The following PRCP variants were observed in gnomAD, a reference collection of about 807,000 sequenced individuals.
PRCP encodes lysosomal Pro-X carboxypeptidase.
A neutral mutation model predicts 54.2 loss-of-function variants in PRCP; 46 were observed. The observed-to-expected ratio is 0.85, with a 90% CI of 0.67 to 1.09. The LOEUF is 1.09. Among genes scored for constraint, PRCP ranks in the 50% least tolerant of loss-of-function variants. The pLI, the probability that PRCP is intolerant of heterozygous loss-of-function variation, is 0.00. For synonymous variants in PRCP, 240 were observed against 212.2 expected, an observed-to-expected ratio of 1.13 and a Z score of -1.14; for missense variants, 613 against 596.8, an observed-to-expected ratio of 1.03 and a Z score of -0.28.
At chr11:82,868,082 T>C (rs1451593026) in intron 1 of PRCP, among the ~76,000 whole-genome samples, 2 of 152,196 alleles carry the variant, frequency 1.3e-5, no homozygotes, top group African/African-American at 4.8e-5. Flanking sequence ...ATTCAAAATC[T>C]GTGCTGTCAG....
intron 7 of PRCP, among the ~76,000 whole-genome samples, chr11:82,838,815 C>T (rs1394021626): frequency 6.6e-6 from 1 of 152,130 alleles, no homozygotes; most frequent in Non-Finnish European, 1.5e-5. Context: ...CTTGATTTCA[C>T]ATTTATTATC....
At chr11:82,878,096 C>T (rs187332908) in intron 1 of PRCP, among the ~76,000 whole-genome samples, 5 of 152,298 alleles carry the variant, frequency 3.3e-5, no homozygotes, top group South Asian at 2.1e-4. Flanking sequence ...CACTGGATTT[C>T]GGACTTGCAT....
intron 1 of PRCP, among the ~76,000 whole-genome samples, chr11:82,899,570 G>A (rs560734564): frequency 4.6e-5 from 7 of 152,288 alleles, no homozygotes; most frequent in African/African-American, 7.2e-5. Flanking sequence ...GCCTCATGCT[G>A]CAGCCAAGCA....
Position 82,860,014 on chromosome 11 carries a change from C to T in PRCP, c.272G>A (p.Gly91Asp). The part of the protein sequence containing the change: ...KNGGSILFYT[G>D]NEGDIIWFCN... ...AAACCAGATAATGTCCCCTTCATTACCAGTGTAGAAAAGTATTGATCCACC... is the reference window on the plus strand; with the variant it reads ...AAACCAGATAATGTCCCCTTCATTATCAGTGTAGAAAAGTATTGATCCACC... The change falls in exon 2 of 9, where the codon GGT becomes GAT. Residue 91 changes from glycine to aspartate, a missense_variant. Transcript: ENST00000313010. 9 of 1,589,786 alleles carry T rather than the reference C, an allele frequency of 5.7e-6. No individual in the cohort carries two copies. Among genetic ancestry groups the T allele is most frequent in the Non-Finnish European group, 7.7e-6 (9 of 1,169,654 alleles).
At chr11:82,889,026 C>T (rs1591073279) in intron 1 of PRCP, among the ~76,000 whole-genome samples, 1 of 121,836 alleles carries the variant, frequency 8.2e-6, no homozygotes, top group East Asian at 1.9e-4. Flanking sequence ...CATAAAAGTA[C>T]AAAAAAAGAT....
At position 82,849,223 on chromosome 11, in the gene PRCP, G is replaced by C. The variant is rs573180716; in HGVS notation, c.752-5C>G. Reference sequence around the variant, plus strand: ...TAAGCCACTGCAAACCACTGCCTGGGAATAGAATCACACTGTTGGAATCTA... The same window carrying C: ...TAAGCCACTGCAAACCACTGCCTGGCAATAGAATCACACTGTTGGAATCTA... On this transcript the variant is annotated splice_polypyrimidine_tract_variant and splice_region_variant and intron_variant, in intron 5 of 8. Transcript: ENST00000313010. 3.1e-6 allele frequency: 5 copies of C among 1,613,710 alleles called. No homozygotes were observed. In the Admixed American group the frequency reaches 5.0e-5, roughly 16 times the overall value.
rs779116163 is a variant in PRCP, at chr11:82,853,236, C to T, written c.352G>A (p.Val118Met). 13 of 1,613,102 alleles carry T rather than the reference C, an allele frequency of 8.1e-6. No individual in the cohort carries two copies. The South Asian group carries it at 1.3e-4, about 16-fold the overall frequency. Reference protein sequence around the residue: ...DVAEELKAMLVFAEHRYYGES... With the variant: ...DVAEELKAMLMFAEHRYYGES... ...CCATAGTATCGATGTTCAGCAAACA[C>T]CAACATAGCTTTCAGTTCCTCAGCC... is the stretch of plus-strand genomic sequence containing the variant. The change falls in exon 3 of 9, where the codon GTG (valine) becomes ATG (methionine). Residue 118 changes from valine (V) to methionine (M), a missense_variant. By Grantham distance (21) the Val-to-Met change is conservative. Transcript: ENST00000313010.
At chr11:82,877,281 G>A (rs548949823) in intron 1 of PRCP, among the ~76,000 whole-genome samples, 9 of 152,322 alleles carry the variant, frequency 5.9e-5, no homozygotes, top group African/African-American at 1.4e-4. Flanking sequence ...GTAGCCTGAC[G>A]ATGCAGTAGA....
At position 82,880,491 on chromosome 11, in the gene PRCP, G is replaced by A. The variant is rs190200458; in HGVS notation, c.168+19744C>T. Among the ~76,000 whole-genome samples the A allele has an allele frequency of 2.6e-5, 4 of 152,316 alleles. No homozygotes were observed. In the East Asian group the frequency reaches 7.7e-4, roughly 29 times the overall value. The stretch of plus-strand genomic sequence containing the variant: ...ATTCCCTGACCCCTTGCACTTCCCA[G>A]GTGAGGCAATGGCCTGCCCTGCTCC... On this transcript the variant is annotated intron_variant, in intron 1 of 8. Transcript: ENST00000313010.
At chr11:82,855,587 C>A (rs374710802) in intron 2 of PRCP, among the ~76,000 whole-genome samples, 3 of 151,974 alleles carry the variant, frequency 2.0e-5, no homozygotes, top group Non-Finnish European at 4.4e-5. Flanking sequence ...CCACTGCACT[C>A]GAGCCTGGGC....
At position 82,875,189 on chromosome 11, in the gene PRCP, C is replaced by T. The variant is rs1481068749; in HGVS notation, c.169-15072G>A. Among the ~76,000 whole-genome samples the T allele has an allele frequency of 2.0e-5, 3 of 152,244 alleles. No individual in the cohort carries two copies. In the East Asian group the frequency reaches 5.8e-4, roughly 29 times the overall value. On this transcript the variant is annotated intron_variant, in intron 1 of 8. Transcript: ENST00000313010. Reference sequence around the variant, plus strand: ...TATGGAGTAGAGAGGCTGTGTTTTCCCCACCATGCCTTACTGCCTCTCCCT... The same window carrying T: ...TATGGAGTAGAGAGGCTGTGTTTTCTCCACCATGCCTTACTGCCTCTCCCT...
chr11:82,882,875 A>T (rs12290963), intron 1 of PRCP, among the ~76,000 whole-genome samples: 16 of 149,118 alleles, frequency 1.1e-4, no homozygotes, highest in East Asian at 1.9e-4. Flanking sequence ...ACACACACAC[A>T]GCCCTACTGC....
chr11:82,864,161 G>A (rs1859277055), intron 1 of PRCP, among the ~76,000 whole-genome samples: 1 of 152,210 alleles, frequency 6.6e-6, no homozygotes, highest in South Asian at 2.1e-4. Context: ...GACAGATTAA[G>A]TTCTTCACAG....
chr11:82,863,444 C>T (rs913357301), intron 1 of PRCP, among the ~76,000 whole-genome samples: 2 of 152,124 alleles, frequency 1.3e-5, no homozygotes, highest in Non-Finnish European at 2.9e-5. Flanking sequence ...CAGGTTTCAA[C>T]AAGGGAGGAA....
intron 8 of PRCP, among the ~76,000 whole-genome samples, chr11:82,833,729 G>A (rs912263934): frequency 6.6e-6 from 1 of 152,112 alleles, no homozygotes; most frequent in Non-Finnish European, 1.5e-5. Flanking sequence ...CTCTTTTAAT[G>A]CATCACAACA....
chr11:82,860,767 GAT>G (rs1859189151), intron 1 of PRCP, among the ~76,000 whole-genome samples: 1 of 152,028 alleles, frequency 6.6e-6, no homozygotes, highest in African/African-American at 2.4e-5. Flanking sequence ...GCACACCATA[GAT>G]ATTCTAAGTT....
At chr11:82,825,218 A>T in intron 8 of PRCP, 96 bp from the exon 9 acceptor site, 1 of 1,110,248 alleles carries the variant, frequency 9.0e-7, no homozygotes, top group African/African-American at 1.6e-5. Flanking sequence ...TTAACACCTA[A>T]AATTATAAAC....
intron 1 of PRCP, among the ~76,000 whole-genome samples, chr11:82,887,229 A>G (rs1233847162): frequency 6.6e-6 from 1 of 152,204 alleles, no homozygotes; most frequent in African/African-American, 2.4e-5. Context: ...TTAGGATCCC[A>G]TTATAGACAT....
chr11:82,857,144 G>T (rs1406867674), intron 2 of PRCP, among the ~76,000 whole-genome samples: 1 of 151,208 alleles, frequency 6.6e-6, no homozygotes, highest in African/African-American at 2.4e-5. Flanking sequence ...CAACATAAAA[G>T]AGAAAGCAAA....
Sources: gnomAD v4.1 joint callset for allele counts (sites outside exome capture counted in the v4.1 genomes callset) on GRCh38, gnomAD v4.1.1 for gene constraint, MANE v1.5 for transcripts, NCBI Gene and HGNC (gene_info 2026-07-23, HGNC 2026-07-21) for gene names.